Variants in NXN observed in about 807,000 individuals in gnomAD.
NXN encodes nucleoredoxin 1.
In NXN, 16 loss-of-function variants were observed where a neutral mutation model predicts 48.6. The ratio of observed to expected loss-of-function variants is 0.33; its 90% CI spans 0.22 to 0.50. The LOEUF (loss-of-function observed/expected upper bound fraction) is 0.50. Ranked by LOEUF, NXN falls within the 20% of genes least tolerant of loss-of-function variation. The pLI, the probability that NXN is intolerant of heterozygous loss-of-function variation, is 0.98. For synonymous variants in NXN, 281 were observed against 269.6 expected (o/e 1.04, Z -0.41); for missense variants, 492 against 605.5 (o/e 0.81, Z 1.97).
chr17:948,722 C>G (rs374050646), intron 1 of NXN, among the ~76,000 whole-genome samples: 1 of 151,928 alleles, frequency 6.6e-6, no homozygotes, highest in African/African-American at 2.4e-5. Flanking sequence ...CCGTCCCGCC[C>G]CAGCGCTCGG....
chr17:854,545 C>T (rs2067964401), intron 1 of NXN, among the ~76,000 whole-genome samples: 1 of 151,084 alleles, frequency 6.6e-6, no homozygotes, highest in Non-Finnish European at 1.5e-5. Flanking sequence ...GTCCCAGCTA[C>T]TTGGGAGGCT....
intron 1 of NXN, among the ~76,000 whole-genome samples, chr17:977,630 A>G (rs1362738394): frequency 1.3e-5 from 2 of 152,240 alleles, no homozygotes; most frequent in African/African-American, 4.8e-5. Flanking sequence ...CCATAATTCT[A>G]TGTTTTCAAA....
intron 1 of NXN, among the ~76,000 whole-genome samples, chr17:902,874 G>A (rs1245036924): frequency 6.6e-6 from 1 of 151,730 alleles, no homozygotes; most frequent in African/African-American, 2.4e-5. Flanking sequence ...CGCCTCCCGG[G>A]TTCAAGCGAT....
At chr17:878,720 T>A (rs772277103) in intron 1 of NXN, among the ~76,000 whole-genome samples, 35 of 151,984 alleles carry the variant, frequency 2.3e-4, no homozygotes, top group Non-Finnish European at 4.4e-4. Flanking sequence ...CCCAACCTGA[T>A]TGAACCCAGT....
At chr17:889,311 C>T (rs1453151295) in intron 1 of NXN, among the ~76,000 whole-genome samples, 1 of 152,202 alleles carries the variant, frequency 6.6e-6, no homozygotes, top group Non-Finnish European at 1.5e-5. Context: ...CTACCGTTGT[C>T]GAAACATACT....
chr17:822,458 C>T lies in NXN; in HGVS notation c.613-1G>A. 6.2e-7 allele frequency: 1 copy of T among 1,612,658 alleles called. No individual in the cohort carries two copies. Among genetic ancestry groups the T allele is most frequent in the Non-Finnish European group, 8.5e-7 (1 of 1,178,836 alleles). On this transcript the variant is annotated splice_acceptor_variant, in intron 3 of 7. Coordinates refer to ENST00000336868, the MANE Select transcript of NXN (RefSeq NM_022463.5). LOFTEE classifies it high-confidence loss of function. The stretch of plus-strand genomic sequence containing the variant: ...GGGTGAGGCTTCGGCAGGGCGGACA[C>T]TGAAAGACAGGACAGCAAGACCCGC...
At chr17:823,524 G>A (rs538759868) in intron 3 of NXN, 108 bp downstream of exon 3, 19 of 1,311,712 alleles carry the variant, frequency 1.4e-5, no homozygotes, top group East Asian at 4.7e-5. Flanking sequence ...CCAGAAGGCC[G>A]GGAAATTCCT....
rs955589656 is a variant in NXN, at chr17:898,534, C to T, written c.361-72456G>A. Among the ~76,000 whole-genome samples the T allele has an allele frequency of 9.9e-5, 7 of 70,616 alleles. 3 individuals carry two copies. The highest frequency in any genetic ancestry group is 2.3e-4 in the African/African-American group (7 of 30,788). The allele number at this position is 70,616 out of a possible 152,430, so 46.3% of individuals were successfully genotyped here. On this transcript the variant is annotated intron_variant, in intron 1 of 7. Transcript: ENST00000336868. ...CTTTACCTACTAACTCTTACTCTGC[C>T]GTCAGGAACTCGTCCGGACGCCATC...
chr17:821,363 C>A (rs1318769299), intron 4 of NXN, among the ~76,000 whole-genome samples: 1 of 78,348 alleles, frequency 1.3e-5, no homozygotes, highest in Non-Finnish European at 2.4e-5. Context: ...CTCAGAGGAG[C>A]TGACTGACTC....
intron 1 of NXN, among the ~76,000 whole-genome samples, chr17:933,991 T>G (rs141230658): frequency 6.6e-6 from 1 of 152,340 alleles, no homozygotes; most frequent in East Asian, 1.9e-4. Flanking sequence ...CCTCACTATG[T>G]GATTTAAAAC....
intron 1 of NXN, among the ~76,000 whole-genome samples, chr17:946,324 G>A (rs1399159184): frequency 2.0e-5 from 3 of 152,014 alleles, no homozygotes; most frequent in South Asian, 4.2e-4. Context: ...ATCTGCTATC[G>A]CACCCAGCTA....
intron 5 of NXN, among the ~76,000 whole-genome samples, chr17:814,313 T>A (rs1912347342): frequency 6.6e-6 from 1 of 152,018 alleles, no homozygotes; most frequent in African/African-American, 2.4e-5. Flanking sequence ...CTTATTAGTT[T>A]CAGGTGACCC....
rs1567845570 is a variant in NXN, at chr17:879,279, TGG to T, written c.361-53203_361-53202del. On this transcript the variant is annotated intron_variant, in intron 1 of 7. Transcript: ENST00000336868. ...GTTTTTTTTGTTTTGGTTTGGTTTT[TGG>T]TTTTTGGTTTTTTGTTTTTTTTTTT... is the stretch of plus-strand genomic sequence containing the variant. Among the ~76,000 whole-genome samples the T allele has an allele frequency of 3.4e-5, 5 of 147,696 alleles. No homozygotes were observed. In the East Asian group the frequency reaches 6.0e-4, roughly 18 times the overall value.
intron 1 of NXN, among the ~76,000 whole-genome samples, chr17:853,738 T>TTTTTTTTTTC (rs1555614493): frequency 7.0e-6 from 1 of 143,574 alleles, no homozygotes; most frequent in African/African-American, 2.7e-5. Flanking sequence ...TTTTTTTTTT[T>TTTTTTTTTTC]CCAAGACGGA....
At chr17:840,078 C>T (rs1185409754) in intron 1 of NXN, among the ~76,000 whole-genome samples, 1 of 141,136 alleles carries the variant, frequency 7.1e-6, no homozygotes, top group East Asian at 2.1e-4. Flanking sequence ...GCGTGGGCGA[C>T]AGAGCGAGAC....
intron 1 of NXN, among the ~76,000 whole-genome samples, chr17:928,578 G>A (rs768153605): frequency 4.6e-5 from 7 of 152,190 alleles, no homozygotes; most frequent in Non-Finnish European, 8.8e-5. Context: ...GCTCACGCCT[G>A]TAATCCCAAT....
intron 1 of NXN, among the ~76,000 whole-genome samples, chr17:926,534 GTTT>G (rs60470915): frequency 7.1e-6 from 1 of 141,554 alleles, no homozygotes. Context: ...CATGTTTTTT[GTTT>G]TTTTTTTGTT....
Position 849,225 on chromosome 17 carries a change from C to T in NXN, c.361-23147G>A, listed in dbSNP as rs565201258. ...GAAGTTCAGAAAGTGGATACAAAGA[C>T]GGATTCACTAAGACCAGAGCTTCCC... On this transcript the variant is annotated intron_variant, in intron 1 of 7. Transcript: ENST00000336868. This position sits in a 1 kb window ranked among gnomAD's most constrained non-coding sequence, Gnocchi z 4.2. Among the ~76,000 whole-genome samples the T allele has an allele frequency of 5.3e-5, 8 of 152,142 alleles. No individual in the cohort carries two copies. The East Asian group carries it at 9.7e-4, about 18-fold the overall frequency.
chr17:913,546 C>T (rs2068656596), intron 1 of NXN, among the ~76,000 whole-genome samples: 3 of 152,092 alleles, frequency 2.0e-5, no homozygotes, highest in Non-Finnish European at 4.4e-5. Context: ...CCAGAGACAT[C>T]GTGGCACAAC....
Sources: gnomAD v4.1 joint callset for allele counts (sites outside exome capture counted in the v4.1 genomes callset) on GRCh38, gnomAD v4.1.1 for gene constraint, Gnocchi (gnomAD v3.1) non-coding constraint, MANE v1.5 for transcripts, NCBI Gene and HGNC (gene_info 2026-07-23, HGNC 2026-07-21) for gene names.